CPSF6: variants seen among roughly 807,000 people sequenced by gnomAD.
CPSF6 encodes cleavage and polyadenylation specific factor 6, also known as cleavage and polyadenylation specificity factor subunit 6.
A neutral mutation model predicts 56.7 loss-of-function variants in CPSF6; 10 were observed. The observed-to-expected ratio is 0.18, with a 90% CI of 0.11 to 0.30. The LOEUF is 0.30. Among genes scored for constraint, CPSF6 ranks in the 10% least tolerant of loss-of-function variants. The pLI, the probability that CPSF6 is intolerant of heterozygous loss-of-function variation, is 1.00. For synonymous variants in CPSF6, 248 were observed against 244.8 expected (o/e 1.01, Z -0.12); for missense variants, 419 against 722.9 (o/e 0.58, Z 4.82).
intron 1 of CPSF6, among the ~76,000 whole-genome samples, chr12:69,242,981 G>T (rs969387126): frequency 2.6e-5 from 4 of 152,020 alleles, no homozygotes. Context: ...GGTGGTGCCT[G>T]CCTGTAATCC....
intron 1 of CPSF6, among the ~76,000 whole-genome samples, chr12:69,250,212 G>T (rs1457012981): frequency 2.0e-5 from 3 of 151,742 alleles, no homozygotes; most frequent in African/African-American, 7.3e-5. Context: ...TGGAAAACAA[G>T]ATCTGAATAC....
At chr12:69,248,081 A>G (rs1872009686) in intron 1 of CPSF6, among the ~76,000 whole-genome samples, 1 of 152,234 alleles carries the variant, frequency 6.6e-6, no homozygotes, top group Admixed American at 6.5e-5. Flanking sequence ...AATCATATCA[A>G]TGTGGAAAAT....
rs1872525105 is a variant in CPSF6 at position 69,256,703 on chromosome 12, C to T, written c.381C>T (p.Ala127=). ...NRANGQSKGF[A]LVGVGSEASS... ...CCCCTTAAACACTTTTTAGGTTTGCCCTTGTTGGTGTTGGATCTGAAGCAT... is the reference window on the plus strand; with the variant it reads ...CCCCTTAAACACTTTTTAGGTTTGCTCTTGTTGGTGTTGGATCTGAAGCAT... Residue 127 remains alanine (A), a synonymous_variant, in exon 4 of 10, where the codon GCC becomes GCT. Coordinates refer to ENST00000435070, the MANE Select transcript of CPSF6 (RefSeq NM_007007.3). 3.1e-6 allele frequency: 5 copies of T among 1,609,450 alleles called. No individual in the cohort carries two copies. The highest frequency in any genetic ancestry group is 4.2e-6 in the Non-Finnish European group (5 of 1,178,356).
At chr12:69,255,198 T>G (rs1872448295) in intron 3 of CPSF6, 1 of 152,264 alleles carries the variant, frequency 6.6e-6, no homozygotes, top group Non-Finnish European at 1.5e-5. Flanking sequence ...GGTTCATCCA[T>G]GTTGAAGCAT....
rs779734988 is a variant in CPSF6 at position 69,256,651 on chromosome 12, T to C, written c.375-46T>C. The C allele has an allele frequency of 9.7e-6, 15 of 1,541,890 alleles. No individual in the cohort carries two copies. The South Asian group carries it at 1.5e-4, about 15-fold the overall frequency. ...TTACAGAAGAATAACAGTAATAATA[T>C]TGATCTCTTTTTACTTTGTATCCTC... On this transcript the variant is annotated intron_variant, in intron 3 of 9. Coordinates refer to ENST00000435070, the MANE Select transcript of CPSF6 (RefSeq NM_007007.3).
At chr12:69,246,967 G>A (rs538843596) in intron 1 of CPSF6, among the ~76,000 whole-genome samples, 17 of 152,100 alleles carry the variant, frequency 1.1e-4, no homozygotes, top group African/African-American at 2.7e-4. Flanking sequence ...GCCTAGCCTC[G>A]AATGATATTA....
At chr12:69,243,092 C>CAA (rs112330564) in intron 1 of CPSF6, among the ~76,000 whole-genome samples, 4 of 146,598 alleles carry the variant, frequency 2.7e-5, no homozygotes, top group African/African-American at 1.0e-4. Context: ...GACCCTGTCT[C>CAA]AAAAAAAAAA....
intron 1 of CPSF6, among the ~76,000 whole-genome samples, chr12:69,250,794 G>A (rs1224586439): frequency 6.6e-6 from 1 of 151,952 alleles, no homozygotes; most frequent in Non-Finnish European, 1.5e-5. Context: ...TTACAGGCGT[G>A]TGCCACCATG....
chr12:69,255,687 C>T (rs1872474145), intron 3 of CPSF6, among the ~76,000 whole-genome samples: 1 of 152,112 alleles, frequency 6.6e-6, no homozygotes. Context: ...TACAGGCACA[C>T]GCCACCATGC....
At position 69,260,020 on chromosome 12, in the gene CPSF6, C is replaced by T. The variant is rs201294187; in HGVS notation, c.1316-24C>T. 208 of 1,606,518 alleles carry T rather than the reference C, an allele frequency of 1.3e-4. 1 individual carries two copies. The Middle Eastern group carries it at 2.7e-3, about 20-fold the overall frequency. ...TTTGAAAACAAAATTTGTTTGACTT[C>T]AAACCCTTTCCTTTCCCTCACAGGT... is the stretch of plus-strand genomic sequence containing the variant. On this transcript the variant is annotated intron_variant, in intron 7 of 9. Transcript: ENST00000435070.
chr12:69,269,107 G>T (rs1873129583), intron 9 of CPSF6, among the ~76,000 whole-genome samples: 1 of 151,754 alleles, frequency 6.6e-6, no homozygotes, highest in African/African-American at 2.4e-5. Context: ...TGTTAAATGA[G>T]TTTATAGACT....
intron 1 of CPSF6, among the ~76,000 whole-genome samples, chr12:69,250,191 T>C (rs1872158324): frequency 6.6e-6 from 1 of 152,140 alleles, no homozygotes; most frequent in African/African-American, 2.4e-5. Flanking sequence ...TACTGGTAGC[T>C]TCCTCAAGGT....
At chr12:69,262,284 C>T (rs1872774398) in intron 8 of CPSF6, 89 bp from the exon 9 acceptor site, 2 of 1,408,464 alleles carry the variant, frequency 1.4e-6, no homozygotes, top group Admixed American at 4.8e-5. Flanking sequence ...AGAATTTTTG[C>T]TGCCTAAGTT....
At chr12:69,268,822 C>A (rs1419123577) in intron 9 of CPSF6, among the ~76,000 whole-genome samples, 2 of 151,426 alleles carry the variant, frequency 1.3e-5, no homozygotes, top group African/African-American at 2.4e-5. Context: ...TCCCACTTAG[C>A]TTGTTTTGGT....
intron 5 of CPSF6, 48 bp downstream of exon 5, chr12:69,257,953 C>CCTCTTTTCCTTTT: frequency 6.3e-7 from 1 of 1,585,962 alleles, no homozygotes; most frequent in Non-Finnish European, 8.6e-7. Context: ...CTACCTAATA[C>CCTCTTTTCCTTTT]CTCTTTTCCT....
At chr12:69,259,639 G>A in intron 7 of CPSF6, 96 bp downstream of exon 7, 2 of 1,027,452 alleles carry the variant, frequency 1.9e-6, no homozygotes, top group Admixed American at 2.8e-5. Flanking sequence ...TTTACATGTA[G>A]TAGTTCTTTT....
chr12:69,255,432 A>G (rs7309347), intron 3 of CPSF6, among the ~76,000 whole-genome samples: 6,211 of 152,220 alleles, frequency 0.041, 408 homozygotes, highest in African/African-American at 0.14. Context: ...TAGTAACTCT[A>G]TGTTTAAATG....
rs1429837418 is a variant in CPSF6, at chr12:69,270,696, C to T, written c.*1188C>T. ...TATTCATGCACCGTATTGATTCATG[C>T]TATAGTTACTTAATCAAAGATTTTT... On this transcript the variant is annotated 3_prime_UTR_variant, in exon 10 of 10. Coordinates refer to ENST00000435070, the MANE Select transcript of CPSF6 (RefSeq NM_007007.3). 1.3e-5 allele frequency: 2 copies of T among 151,608 alleles called. No homozygotes were observed. Among genetic ancestry groups the T allele is most frequent in the Non-Finnish European group, 3.0e-5 (2 of 67,626 alleles). The allele number at this position is 151,608 out of a possible 1,614,324, so 9.4% of individuals were successfully genotyped here.
chr12:69,246,223 G>A (rs928935957), intron 1 of CPSF6, among the ~76,000 whole-genome samples: 11 of 152,094 alleles, frequency 7.2e-5, no homozygotes, highest in African/African-American at 1.9e-4. Flanking sequence ...TTTGCTTTAC[G>A]TTCAGTCATT....
Sources: allele counts gnomAD v4.1 joint callset (sites outside exome capture counted in the v4.1 genomes callset), GRCh38; gene constraint gnomAD v4.1.1; transcripts MANE v1.5; gene names NCBI Gene and HGNC (gene_info 2026-07-23, HGNC 2026-07-21).